Variants in MRC1 observed in about 807,000 individuals in gnomAD.
MRC1 encodes the protein mannose receptor C-type 1.
MRC1 carries 62 observed loss-of-function variants against 102.9 expected under a neutral mutation model. That is an observed-to-expected ratio of 0.60 (90% CI 0.49 to 0.74). MRC1 has a LOEUF of 0.74. Among genes scored for constraint, MRC1 ranks in the 30% least tolerant of loss-of-function variants. The probability of loss-of-function intolerance (pLI) is 0.00; values close to 1 mark genes in which losing one functional copy is unlikely to be tolerated. For synonymous variants in MRC1, 457 were observed against 298.4 expected, an observed-to-expected ratio of 1.53 and a Z score of -5.48; for missense variants, 1,237 against 862.8, an observed-to-expected ratio of 1.43 and a Z score of -5.43.
chr10:17,810,059 G>C (rs1838199927), intron 1 of MRC1, among the ~76,000 whole-genome samples: 1 of 145,926 alleles, frequency 6.9e-6, no homozygotes, highest in Non-Finnish European at 1.6e-5. Context: ...TCAGACACTT[G>C]ATTGTTAGAA....
chr10:17,907,820 G>T (rs190816011), intron 28 of MRC1, 122 bp downstream of exon 28: 4 of 718,370 alleles, frequency 5.6e-6, no homozygotes, highest in Non-Finnish European at 1.0e-5. Context: ...CCTTTCATCC[G>T]TGAAAAATCC....
chr10:17,904,463 G>A (rs1274006467), intron 26 of MRC1, among the ~76,000 whole-genome samples: 2 of 152,122 alleles, frequency 1.3e-5, no homozygotes, highest in African/African-American at 2.4e-5. Context: ...GGACGCCATG[G>A]TTTCTAATGT....
At chr10:17,828,577 G>A (rs1838520299) in intron 3 of MRC1, among the ~76,000 whole-genome samples, 2 of 151,550 alleles carry the variant, frequency 1.3e-5, no homozygotes, top group African/African-American at 4.9e-5. Flanking sequence ...AGACGTGAAG[G>A]TCCTGAATTT....
intron 1 of MRC1, 59 bp downstream of exon 1, chr10:17,809,585 C>T (rs1438294910): frequency 3.5e-6 from 3 of 861,148 alleles, no homozygotes; most frequent in Admixed American, 3.4e-5. Context: ...ACACCTTCCT[C>T]TTCTGGGTTA....
Position 17,873,823 on chromosome 10 carries a change from A to G in MRC1, c.2384A>G (p.Asp795Gly). 1 of 872,590 alleles carries G rather than the reference A, an allele frequency of 1.1e-6. No homozygotes were observed. The highest frequency in any genetic ancestry group is 2.0e-6 in the Non-Finnish European group (1 of 501,376). 54.1% of individuals were successfully genotyped at this position (872,590 alleles called of 1,614,324 possible). ...CCTGAGCCAACACCAGCTCCTCAAG[A>G]CAGTAGGTGTTTTCTTATTTTCTGA... ...PKPEPTPAPQ[D>G]NPPVTEDGWV... Residue 795 changes from aspartate (D) to glycine (G), a missense_variant and splice_region_variant, in exon 16 of 30, where the codon GAC becomes GGC. Asp to Gly is a moderately conservative substitution (Grantham distance 94). Coordinates refer to ENST00000569591, the MANE Select transcript of MRC1 (RefSeq NM_002438.4).
chr10:17,878,094 G>A (rs35528399), intron 18 of MRC1, 127 bp downstream of exon 18: 25,630 of 650,198 alleles, frequency 0.039, 683 homozygotes, highest in Middle Eastern at 0.07. Flanking sequence ...AATTGAAAAA[G>A]CAACTTGAAA....
chr10:17,883,273 G>A (rs1373397766), intron 21 of MRC1, among the ~76,000 whole-genome samples: 3 of 152,036 alleles, frequency 2.0e-5, no homozygotes, highest in African/African-American at 7.2e-5. Context: ...GACTACAGGT[G>A]TGCACCATCA....
intron 11 of MRC1, 143 bp downstream of exon 11, chr10:17,863,825 G>A (rs1043066362): frequency 2.5e-4 from 159 of 640,612 alleles, no homozygotes; most frequent in Non-Finnish European, 3.5e-4. Context: ...TTCTCTTTTC[G>A]TTTTTTCTTT....
intron 29 of MRC1, 117 bp from the exon 30 acceptor site, chr10:17,910,098 C>G (rs2130729156): frequency 1.3e-6 from 1 of 753,022 alleles, no homozygotes; most frequent in East Asian, 2.4e-5. Flanking sequence ...TTCTGTTTGA[C>G]AAATGTCGCT....
In MRC1 at chr10:17,863,702, TGA is replaced by T; in HGVS notation, c.1783+22_1783+23del. 1.3e-6 allele frequency: 1 copy of T among 780,086 alleles called. No individual in the cohort carries two copies. The highest frequency in any genetic ancestry group is 2.4e-6 in the Non-Finnish European group (1 of 417,772). 48.3% of individuals were successfully genotyped at this position (780,086 alleles called of 1,614,324 possible). On this transcript the variant is annotated intron_variant, in intron 11 of 29. Coordinates refer to ENST00000569591, the MANE Select transcript of MRC1 (RefSeq NM_002438.4). The stretch of plus-strand genomic sequence containing the variant: ...TGCCAGGTACGGGCAGCGCTTAGGT[TGA>T]GGGTTGCTTTCACCCTACGAATCTG...
intron 5 of MRC1, among the ~76,000 whole-genome samples, chr10:17,841,329 T>G (rs1838746001): frequency 6.6e-6 from 1 of 152,238 alleles, no homozygotes; most frequent in Non-Finnish European, 1.5e-5. Context: ...CTTGTGACAG[T>G]GATTTTAACA....
Position 17,849,559 on chromosome 10 carries a change from A to AT in MRC1, c.1064-20_1064-19insT, listed in dbSNP as rs782264378. 4 of 774,142 alleles carry AT rather than the reference A, an allele frequency of 5.2e-6. No individual in the cohort carries two copies. The highest frequency in any genetic ancestry group is 9.6e-6 in the Non-Finnish European group (4 of 415,476). 48.0% of individuals were successfully genotyped at this position (774,142 alleles called of 1,614,324 possible). On this transcript the variant is annotated intron_variant, in intron 6 of 29. Transcript: ENST00000569591. Reference sequence around the variant, plus strand: ...TCAAATCTTTTAAAATTTTTTTCCGACCCCCCTTTTTGTTTCTAGAAAGTG... The same window carrying AT: ...TCAAATCTTTTAAAATTTTTTTCCGATCCCCCCTTTTTGTTTCTAGAAAGTG...
intron 26 of MRC1, among the ~76,000 whole-genome samples, chr10:17,905,227 A>G (rs1833880160): frequency 6.6e-6 from 1 of 152,324 alleles, no homozygotes; most frequent in South Asian, 2.1e-4. Flanking sequence ...AGGCTACAGC[A>G]GAACTGGAAA....
intron 8 of MRC1, among the ~76,000 whole-genome samples, chr10:17,855,568 T>C (rs1833075092): frequency 6.2e-5 from 3 of 48,356 alleles, no homozygotes; most frequent in Admixed American, 6.8e-4. Context: ...CGAGACTCCG[T>C]CTCAAAAAAA....
rs1175494079 is a variant in MRC1 at position 17,843,971 on chromosome 10, A to C, written c.917-1318A>C. Among the ~76,000 whole-genome samples the C allele has an allele frequency of 3.3e-5, 5 of 152,210 alleles. No individual in the cohort carries two copies. In the East Asian group the frequency reaches 9.7e-4, roughly 30 times the overall value. On this transcript the variant is annotated intron_variant, in intron 5 of 29. Transcript: ENST00000569591. ...GGTGGAAGGTGAAGCTAGTTTGGGGAGTACTGGTTTTTAAATCATATATTA... is the reference window on the plus strand; with the variant it reads ...GGTGGAAGGTGAAGCTAGTTTGGGGCGTACTGGTTTTTAAATCATATATTA...
At chr10:17,847,368 C>A (rs1225709872) in intron 6 of MRC1, among the ~76,000 whole-genome samples, 1 of 152,166 alleles carries the variant, frequency 6.6e-6, no homozygotes, top group African/African-American at 2.4e-5. Flanking sequence ...AAATTTTGTT[C>A]ATTTCATCAA....
intron 9 of MRC1, among the ~76,000 whole-genome samples, chr10:17,860,082 A>G (rs1255484595): frequency 1.3e-5 from 2 of 152,176 alleles, no homozygotes; most frequent in Non-Finnish European, 2.9e-5. Context: ...CTGTATGGAC[A>G]TTAATACCAC....
intron 9 of MRC1, among the ~76,000 whole-genome samples, chr10:17,859,570 G>A (rs891700565): frequency 7.2e-5 from 11 of 152,052 alleles, no homozygotes; most frequent in Non-Finnish European, 1.2e-4. Context: ...CACCTGCTTC[G>A]TCCTTCCAAA....
chr10:17,812,453 T>G (rs1346208462), intron 1 of MRC1, among the ~76,000 whole-genome samples: 1 of 152,176 alleles, frequency 6.6e-6, no homozygotes, highest in East Asian at 1.9e-4. Flanking sequence ...ATTTGACTTA[T>G]GCTGTTTTGC....
Sources: allele counts gnomAD v4.1 joint callset (sites outside exome capture counted in the v4.1 genomes callset), GRCh38; gene constraint gnomAD v4.1.1; transcripts MANE v1.5; gene names NCBI Gene and HGNC (gene_info 2026-07-23, HGNC 2026-07-21).